NPTXR: variants seen among roughly 807,000 people sequenced by gnomAD.
NPTXR encodes neuronal pentraxin receptor.
A neutral mutation model predicts 32.2 loss-of-function variants in NPTXR; 12 were observed. The ratio of observed to expected loss-of-function variants is 0.37; its 90% CI spans 0.24 to 0.60. The LOEUF (loss-of-function observed/expected upper bound fraction) is 0.60. Ranked by LOEUF, NPTXR falls within the 20% of genes least tolerant of loss-of-function variation. The pLI is 0.66. For missense variants in NPTXR, 612 were observed against 682.9 expected (o/e 0.90, Z 1.16); for synonymous variants, 323 against 315.8 (o/e 1.02, Z -0.24).
In NPTXR at chr22:38,819,250, G is replaced by A. The variant is rs1288956259; in HGVS notation, c.*3359C>T. ...CTTCCCTGCCCAGGACTCGGGAGAT[G>A]CTCAGCTTCCTTTTCTTTTTTGGCT... On this transcript the variant is annotated 3_prime_UTR_variant, in exon 5 of 5. Coordinates refer to ENST00000333039, the MANE Select transcript of NPTXR (RefSeq NM_014293.4). The A allele has an allele frequency of 1.3e-5, 2 of 152,274 alleles. No individual in the cohort carries two copies. The highest frequency in any genetic ancestry group is 1.3e-4 in the Admixed American group (2 of 15,292). The allele number at this position is 152,274 out of a possible 1,614,324, so 9.4% of individuals were successfully genotyped here.
In NPTXR at chr22:38,826,692, G is replaced by A. The variant is rs201111322; in HGVS notation, c.906C>T (p.Asn302=). 585 of 1,614,158 alleles carry A rather than the reference G, an allele frequency of 3.6e-4. 3 individuals carry two copies. Among genetic ancestry groups the A allele is most frequent in the Middle Eastern group, 9.9e-4 (6 of 6,084 alleles). Residue 302 remains asparagine, a synonymous_variant, in exon 3 of 5, where the codon AAC becomes AAT. Transcript: ENST00000333039. ...TCCGCACGCGGGCGTACATGTAGTT[G>A]TTACGGATGGGGATGCTGATCTTGA...
Position 38,828,371 on chromosome 22 carries a change from G to A in NPTXR, c.766C>T (p.Leu256Phe), listed in dbSNP as rs1291153243. 1.2e-6 allele frequency: 2 copies of A among 1,612,850 alleles called. No homozygotes were observed. Among genetic ancestry groups the A allele is most frequent in the African/African-American group, 1.3e-5 (1 of 75,046 alleles). Residue 256 changes from leucine to phenylalanine, a missense_variant, in exon 2 of 5, where the codon CTC (leucine) becomes TTC (phenylalanine). Leu to Phe is a conservative substitution (Grantham distance 22). Coordinates refer to ENST00000333039, the MANE Select transcript of NPTXR (RefSeq NM_014293.4). ...CTCTGCCGGCGGCTGCTGTGGCTGA[G>A]GGCCACACGCTCCTTCTCCAGTGCC...
At position 38,826,565 on chromosome 22, in the gene NPTXR, G is replaced by T. The variant is rs1277256768; in HGVS notation, c.1033C>A (p.Gln345Lys). 10 of 1,614,072 alleles carry T rather than the reference G, an allele frequency of 6.2e-6. No individual in the cohort carries two copies. The highest frequency in any genetic ancestry group is 1.7e-5 in the Admixed American group (1 of 60,014). The stretch of plus-strand genomic sequence containing the variant: ...TCTAGCAGTACAATCTCGTTGGCCT[G>T]CCCGGGCACTGAGTAGGAGAAGGGG... Residue 345 changes from glutamine to lysine, a missense_variant, in exon 3 of 5, where the codon CAG becomes AAG. Coordinates refer to ENST00000333039, the MANE Select transcript of NPTXR (RefSeq NM_014293.4).
intron 1 of NPTXR, among the ~76,000 whole-genome samples, chr22:38,833,700 A>G (rs894583428): frequency 3.6e-4 from 54 of 148,514 alleles, no homozygotes; most frequent in Admixed American, 2.0e-4. Context: ...TTTTTGAGAC[A>G]GAGTCTCGCT....
chr22:38,841,414 C>A (rs2093131468), intron 1 of NPTXR, among the ~76,000 whole-genome samples: 2 of 152,258 alleles, frequency 1.3e-5, no homozygotes, highest in African/African-American at 4.8e-5. Context: ...GGGAGGCCAC[C>A]CTGCCAAATG....
intron 2 of NPTXR, 112 bp downstream of exon 2, chr22:38,828,175 C>T: frequency 2.5e-6 from 2 of 806,478 alleles, no homozygotes; most frequent in Non-Finnish European, 4.1e-6. Context: ...ACAGCCTCCT[C>T]CCCACCCTCC....
In NPTXR at chr22:38,823,196, T is replaced by C. The variant is rs1199573654; in HGVS notation, c.1165A>G (p.Arg389Gly). ...TGGTAGGCAGACCATAGGCCATCCC[T>C]TGTGGTCCAGGCGATGCAGATGTGG... The change falls in exon 4 of 5, where the codon AGG (arginine) becomes GGG (glycine). Residue 389 changes from arginine (R) to glycine (G), a missense_variant. Arg to Gly is a moderately radical substitution (Grantham distance 125). Coordinates refer to ENST00000333039, the MANE Select transcript of NPTXR (RefSeq NM_014293.4). 6.2e-7 allele frequency: 1 copy of C among 1,613,872 alleles called. No homozygotes were observed. Among genetic ancestry groups the C allele is most frequent in the East Asian group, 2.2e-5 (1 of 44,884 alleles).
At chr22:38,841,660 T>C (rs2093131816) in intron 1 of NPTXR, among the ~76,000 whole-genome samples, 1 of 152,256 alleles carries the variant, frequency 6.6e-6, no homozygotes, top group African/African-American at 2.4e-5. Context: ...TATAGCTTAA[T>C]GATAAAAATA....
chr22:38,825,726 C>T (rs941164777), intron 3 of NPTXR, among the ~76,000 whole-genome samples: 1 of 152,018 alleles, frequency 6.6e-6, no homozygotes, highest in African/African-American at 2.4e-5. Context: ...CTCTCCATAG[C>T]GGGGAGGGCC....
chr22:38,838,573 ATTTTTTTT>A (rs139377592), intron 1 of NPTXR, among the ~76,000 whole-genome samples: 3,266 of 83,190 alleles, frequency 0.039, 77 homozygotes, highest in Middle Eastern at 0.12. Context: ...TCACCTGGCT[ATTTTTTTT>A]TTTTTTTTTT....
At position 38,837,361 on chromosome 22, in the gene NPTXR, C is replaced by G. The variant is rs1293555541; in HGVS notation, c.624+5874G>C. 2.0e-5 allele frequency among the ~76,000 whole-genome samples: 3 copies of G among 152,244 alleles called. No individual in the cohort carries two copies. The East Asian group carries it at 5.8e-4, about 29-fold the overall frequency. ...CAAAGCCCAATAGCAGAAGCCCTCT[C>G]TCCACATTCCACAGCCCCCCGCCAT... is the stretch of plus-strand genomic sequence containing the variant. On this transcript the variant is annotated intron_variant, in intron 1 of 4. Transcript: ENST00000333039.
rs866222992 is a variant in NPTXR at position 38,822,063 on chromosome 22, G to T, written c.*546C>A. 21 of 64,714 alleles carry T rather than the reference G, an allele frequency of 3.2e-4. No individual in the cohort carries two copies. The highest frequency in any genetic ancestry group is 4.1e-3 in the East Asian group (2 of 484). 4.0% of individuals were successfully genotyped at this position (64,714 alleles called of 1,614,324 possible). ...AGGAGGAAGAGGGAGGCATGGGTGG[G>T]GGGGGGGGGAGGCTCCATCGAGATC... On this transcript the variant is annotated 3_prime_UTR_variant, in exon 5 of 5. Transcript: ENST00000333039.
chr22:38,825,840 C>CTTT (rs11364544), intron 3 of NPTXR, among the ~76,000 whole-genome samples: 2 of 115,472 alleles, frequency 1.7e-5, no homozygotes, highest in Admixed American at 8.5e-5. Context: ...CTCTCTCTCT[C>CTTT]TTTTTTTTTT....
At chr22:38,838,523 C>T (rs1819248275) in intron 1 of NPTXR, among the ~76,000 whole-genome samples, 1 of 150,374 alleles carries the variant, frequency 6.7e-6, no homozygotes, top group African/African-American at 2.5e-5. Context: ...GGCTCCGAGG[C>T]AGAAATGGTC....
intron 1 of NPTXR, among the ~76,000 whole-genome samples, chr22:38,842,380 C>G (rs2280975): frequency 0.4 from 60,300 of 152,114 alleles, 12,215 homozygotes; most frequent in East Asian, 0.66. Context: ...CCCAGTCTGT[C>G]TGCCTTGCAC....
chr22:38,843,190 C>G lies in NPTXR; in HGVS notation c.624+45G>C. 7.8e-7 allele frequency: 1 copy of G among 1,279,310 alleles called. No homozygotes were observed. The allele number at this position is 1,279,310 out of a possible 1,614,324, so 79.2% of individuals were successfully genotyped here. ...GCCGGACGACCGCGGCCGGGCGGCC[C>G]CTCACACCACCCGGGCGGCTCCCCC... On this transcript the variant is annotated intron_variant, in intron 1 of 4. Coordinates refer to ENST00000333039, the MANE Select transcript of NPTXR (RefSeq NM_014293.4). The surrounding 1 kb of genome is among the most constrained non-coding windows in gnomAD (Gnocchi z 5.3).
At chr22:38,838,018 G>T (rs1256483291) in intron 1 of NPTXR, among the ~76,000 whole-genome samples, 1 of 151,960 alleles carries the variant, frequency 6.6e-6, no homozygotes, top group African/African-American at 2.4e-5. Flanking sequence ...ACCATACTTG[G>T]CTAATTTTTG....
At position 38,822,184 on chromosome 22, in the gene NPTXR, T is replaced by C. The variant is rs1164210893; in HGVS notation, c.*425A>G. 12 of 208,210 alleles carry C rather than the reference T, an allele frequency of 5.8e-5. No homozygotes were observed. The highest frequency in any genetic ancestry group is 4.1e-4 in the Admixed American group (8 of 19,492). 12.9% of individuals were successfully genotyped at this position (208,210 alleles called of 1,614,324 possible). ...CCCCTTCTACAGCCTGTTGTGGCCC[T>C]GAAGGGGAAGCCACTGGGCCTGTTG... On this transcript the variant is annotated 3_prime_UTR_variant, in exon 5 of 5. Transcript: ENST00000333039.
Position 38,843,126 on chromosome 22 carries a change from T to C in NPTXR, c.624+109A>G. ...CTCGCCAGCGAGGAAGGCGCGATCG[T>C]CCCCGGAACACAGACGGGAGACCGG... On this transcript the variant is annotated intron_variant, in intron 1 of 4. Transcript: ENST00000333039. This position sits in a 1 kb window ranked among gnomAD's most constrained non-coding sequence, Gnocchi z 5.3. The C allele has an allele frequency of 1.8e-6, 2 of 1,094,716 alleles. No individual in the cohort carries two copies. The highest frequency in any genetic ancestry group is 2.3e-6 in the Non-Finnish European group (2 of 865,946). 67.8% of individuals were successfully genotyped at this position (1,094,716 alleles called of 1,614,324 possible).
Sources: allele counts gnomAD v4.1 joint callset (sites outside exome capture counted in the v4.1 genomes callset), GRCh38; gene constraint gnomAD v4.1.1; non-coding constraint Gnocchi (gnomAD v3.1); transcripts MANE v1.5; gene names NCBI Gene and HGNC (gene_info 2026-07-23, HGNC 2026-07-21).